Variants in PRIMPOL observed in about 807,000 individuals in gnomAD.
PRIMPOL encodes primase and DNA directed polymerase, also known as DNA-directed primase/polymerase protein.
A neutral mutation model predicts 63.6 loss-of-function variants in PRIMPOL; 54 were observed. The ratio of observed to expected loss-of-function variants is 0.85; its 90% CI spans 0.68 to 1.07. PRIMPOL has a LOEUF of 1.07. Ranked by LOEUF, PRIMPOL falls within the 50% of genes least tolerant of loss-of-function variation. PRIMPOL has a pLI of 0.00. For synonymous variants in PRIMPOL, 197 were observed against 220.2 expected (o/e 0.89, Z 0.93); for missense variants, 610 against 648.3 (o/e 0.94, Z 0.64).
At chr4:184,676,271 A>G (rs1447733548) in intron 7 of PRIMPOL, among the ~76,000 whole-genome samples, 3 of 150,574 alleles carry the variant, frequency 2.0e-5, no homozygotes, top group African/African-American at 7.3e-5. Flanking sequence ...CACACTTTTA[A>G]TACAAATCAA....
chr4:184,685,847 G>A (rs1208190011), intron 11 of PRIMPOL, among the ~76,000 whole-genome samples, 163 bp downstream of exon 11: 2 of 151,984 alleles, frequency 1.3e-5, no homozygotes, highest in Non-Finnish European at 2.9e-5. Flanking sequence ...TGTCGCCCAG[G>A]CTGGAGTACA....
chr4:184,691,979 T>C (rs1758688253), intron 13 of PRIMPOL, among the ~76,000 whole-genome samples: 1 of 152,108 alleles, frequency 6.6e-6, no homozygotes, highest in Non-Finnish European at 1.5e-5. Flanking sequence ...TATTTTGCTT[T>C]TCAAAGTAAC....
chr4:184,686,443 C>T (rs1757000106), intron 11 of PRIMPOL, among the ~76,000 whole-genome samples: 1 of 152,184 alleles, frequency 6.6e-6, no homozygotes, highest in Non-Finnish European at 1.5e-5. Flanking sequence ...TCGTTCAAGA[C>T]ACAGCATGGT....
intron 9 of PRIMPOL, among the ~76,000 whole-genome samples, chr4:184,685,050 G>A (rs1467139517): frequency 6.6e-6 from 1 of 152,146 alleles, no homozygotes; most frequent in Non-Finnish European, 1.5e-5. Flanking sequence ...TGTGTTCACA[G>A]GAGAATGCCC....
chr4:184,694,853 T>C lies in PRIMPOL; in HGVS notation c.*74T>C. ...TCTGTGAGATTTGATAAATATATCA[T>C]TCAACCTGTTTATATAAACTAAGTT... On this transcript the variant is annotated 3_prime_UTR_variant, in exon 14 of 14. Coordinates refer to ENST00000314970, the MANE Select transcript of PRIMPOL (RefSeq NM_152683.4). 2 of 1,270,756 alleles carry C rather than the reference T, an allele frequency of 1.6e-6. No individual in the cohort carries two copies. Among genetic ancestry groups the C allele is most frequent in the East Asian group, 2.3e-5 (1 of 42,626 alleles). 78.7% of individuals were successfully genotyped at this position (1,270,756 alleles called of 1,614,324 possible).
At chr4:184,660,096 C>T (rs1478905717) in intron 4 of PRIMPOL, among the ~76,000 whole-genome samples, 1 of 151,994 alleles carries the variant, frequency 6.6e-6, no homozygotes, top group African/African-American at 2.4e-5. Flanking sequence ...GTTGGGATTA[C>T]AGGTGTGAGC....
intron 8 of PRIMPOL, among the ~76,000 whole-genome samples, chr4:184,680,768 A>G (rs1262795360): frequency 6.6e-6 from 1 of 152,210 alleles, no homozygotes. Flanking sequence ...TTAAAACTGC[A>G]CATAAAACAT....
rs1173671025 is a variant in PRIMPOL at position 184,678,850 on chromosome 4, CT to C, written c.1007+460del. Among the ~76,000 whole-genome samples, 6 of 151,898 alleles carry C rather than the reference CT, an allele frequency of 4.0e-5. No homozygotes were observed. The East Asian group carries it at 1.2e-3, about 29-fold the overall frequency. On this transcript the variant is annotated intron_variant, in intron 8 of 13. Coordinates refer to ENST00000314970, the MANE Select transcript of PRIMPOL (RefSeq NM_152683.4). The stretch of plus-strand genomic sequence containing the variant: ...GCCAGTTCTTACAGTTCTAAGTTAA[CT>C]TTTCTCTTTTCTCCATTAGCTAAAA...
At chr4:184,693,085 T>C (rs1218496693) in intron 13 of PRIMPOL, among the ~76,000 whole-genome samples, 1 of 152,178 alleles carries the variant, frequency 6.6e-6, no homozygotes, top group Non-Finnish European at 1.5e-5. Context: ...GCAGAACAGG[T>C]GATGGGGTTT....
chr4:184,666,836 G>A (rs1327091738), intron 6 of PRIMPOL, among the ~76,000 whole-genome samples: 1 of 152,224 alleles, frequency 6.6e-6, no homozygotes, highest in Non-Finnish European at 1.5e-5. Context: ...GTCTGAAAGT[G>A]AAACCAGATT....
At chr4:184,680,066 A>G (rs1167606758) in intron 8 of PRIMPOL, among the ~76,000 whole-genome samples, 2 of 152,196 alleles carry the variant, frequency 1.3e-5, no homozygotes, top group Non-Finnish European at 2.9e-5. Flanking sequence ...TTAAGTGAGG[A>G]CTTAACTGTA....
At chr4:184,675,039 C>A (rs369603589) in intron 7 of PRIMPOL, among the ~76,000 whole-genome samples, 26 of 152,300 alleles carry the variant, frequency 1.7e-4, no homozygotes, top group African/African-American at 5.8e-4. Flanking sequence ...TATGTGAGAA[C>A]TGCAAGGAAC....
At chr4:184,683,220 C>T (rs746306090) in intron 9 of PRIMPOL, among the ~76,000 whole-genome samples, 17 of 152,120 alleles carry the variant, frequency 1.1e-4, no homozygotes, top group South Asian at 2.1e-4. Context: ...AACCTGAGTT[C>T]AGGAGTTTGA....
At chr4:184,672,984 C>T (rs980026245) in intron 7 of PRIMPOL, among the ~76,000 whole-genome samples, 12 of 152,002 alleles carry the variant, frequency 7.9e-5, no homozygotes, top group African/African-American at 2.9e-4. Flanking sequence ...ATGTCAGAAG[C>T]CCTGGGCTGA....
At chr4:184,664,593 G>A (rs1407107789) in intron 5 of PRIMPOL, among the ~76,000 whole-genome samples, 1 of 152,172 alleles carries the variant, frequency 6.6e-6, no homozygotes, top group Non-Finnish European at 1.5e-5. Context: ...AATGGAGAAG[G>A]GGACGGTACG....
chr4:184,678,984 A>C (rs535634575), intron 8 of PRIMPOL, among the ~76,000 whole-genome samples: 10 of 152,218 alleles, frequency 6.6e-5, no homozygotes, highest in Admixed American at 6.5e-4. Context: ...ACTTCTGTAA[A>C]GAAGAAAACA....
chr4:184,682,472 G>A (rs950323272), intron 9 of PRIMPOL, 136 bp downstream of exon 9: 74 of 532,078 alleles, frequency 1.4e-4, no homozygotes, highest in Non-Finnish European at 2.1e-4. Flanking sequence ...CTCAGCCTCC[G>A]GAGTAGTTGG....
intron 11 of PRIMPOL, chr4:184,691,247 G>C: frequency 2.7e-6 from 1 of 367,724 alleles, no homozygotes; most frequent in Non-Finnish European, 4.9e-6. Context: ...ATTATTTGGT[G>C]AGTACAGGTT....
chr4:184,671,972 C>A (rs1352493617), intron 6 of PRIMPOL, among the ~76,000 whole-genome samples: 1 of 151,946 alleles, frequency 6.6e-6, no homozygotes, highest in Non-Finnish European at 1.5e-5. Context: ...GATCTCCCGA[C>A]CTTGTGATCC....
Sources: gnomAD v4.1 joint callset for allele counts (sites outside exome capture counted in the v4.1 genomes callset) on GRCh38, gnomAD v4.1.1 for gene constraint, MANE v1.5 for transcripts, NCBI Gene and HGNC (gene_info 2026-07-23, HGNC 2026-07-21) for gene names.